The following PARD3B variants were observed in gnomAD, a reference collection of about 807,000 sequenced individuals.
The protein encoded by PARD3B is par-3 family cell polarity regulator beta.
A neutral mutation model predicts 130.2 loss-of-function variants in PARD3B; 103 were observed. The ratio of observed to expected loss-of-function variants is 0.79; its 90% CI spans 0.67 to 0.93. PARD3B has a LOEUF of 0.93. Among genes scored for constraint, PARD3B ranks in the 40% least tolerant of loss-of-function variants. The pLI, the probability that PARD3B is intolerant of heterozygous loss-of-function variation, is 0.00. For synonymous variants in PARD3B, 583 were observed against 553.2 expected (o/e 1.05, Z -0.76); for missense variants, 1,609 against 1,499.2 (o/e 1.07, Z -1.21).
chr2:205,589,480 G>A lies in PARD3B; in HGVS notation c.3261-25976G>A, dbSNP rs1235425892. On this transcript the variant is annotated intron_variant, in intron 22 of 22. Coordinates refer to ENST00000406610, the MANE Select transcript of PARD3B (RefSeq NM_001302769.2). This position sits in a 1 kb window ranked among gnomAD's most constrained non-coding sequence, Gnocchi z 4.1. The stretch of plus-strand genomic sequence containing the variant: ...CTCTAAACAGAGAGATGCAGACAGA[G>A]ATGAGGAACTAATCAAGGTGCATGT... 6.6e-6 allele frequency among the ~76,000 whole-genome samples: 1 copy of A among 152,156 alleles called. No individual in the cohort carries two copies. Among genetic ancestry groups the A allele is most frequent in the East Asian group, 1.9e-4 (1 of 5,184 alleles).
chr2:205,247,805 G>A (rs2039633992), intron 16 of PARD3B, among the ~76,000 whole-genome samples: 2 of 152,156 alleles, frequency 1.3e-5, no homozygotes, highest in Non-Finnish European at 2.9e-5. Context: ...TTAAATGAGA[G>A]CATCTTGTAA....
chr2:204,894,447 T>C (rs550752981), intron 2 of PARD3B, among the ~76,000 whole-genome samples: 303 of 152,088 alleles, frequency 2.0e-3, no homozygotes, highest in African/African-American at 6.9e-3. Context: ...ATTTTTACTT[T>C]TTTTTTTTCA....
rs549592046 is a variant in PARD3B at position 204,876,820 on chromosome 2, A to G, written c.223-88332A>G. 2.6e-5 allele frequency among the ~76,000 whole-genome samples: 4 copies of G among 152,332 alleles called. No homozygotes were observed. In the East Asian group the frequency reaches 7.7e-4, roughly 29 times the overall value. Reference sequence around the variant, plus strand: ...ACTGAAAAGCCCTTAATTAGGAGGTATAAGTTATGTAAATCAAAGCGCTCC... The same window carrying G: ...ACTGAAAAGCCCTTAATTAGGAGGTGTAAGTTATGTAAATCAAAGCGCTCC... On this transcript the variant is annotated intron_variant, in intron 2 of 22. Coordinates refer to ENST00000406610, the MANE Select transcript of PARD3B (RefSeq NM_001302769.2).
intron 10 of PARD3B, among the ~76,000 whole-genome samples, chr2:205,136,608 A>G (rs995674315): frequency 3.3e-5 from 5 of 152,166 alleles, no homozygotes; most frequent in African/African-American, 1.2e-4. Context: ...TCTCCTTCCC[A>G]GCAGCTATAT....
intron 19 of PARD3B, among the ~76,000 whole-genome samples, chr2:205,435,805 C>T (rs369380406): frequency 2.1e-3 from 318 of 152,110 alleles, no homozygotes; most frequent in Middle Eastern, 3.4e-3. Context: ...ATAATATTTA[C>T]ATTTTTTCTG....
intron 2 of PARD3B, among the ~76,000 whole-genome samples, chr2:204,851,428 A>C (rs1424534559): frequency 6.6e-6 from 1 of 152,202 alleles, no homozygotes; most frequent in Non-Finnish European, 1.5e-5. Context: ...AGTACTGTTA[A>C]ACTAATCAGC....
chr2:204,899,642 G>A (rs1442562533), intron 2 of PARD3B, among the ~76,000 whole-genome samples: 1 of 152,094 alleles, frequency 6.6e-6, no homozygotes, highest in Non-Finnish European at 1.5e-5. Context: ...TTAAGATACA[G>A]GTAGGTCACA....
At chr2:205,172,488 C>T in intron 12 of PARD3B, 107 bp downstream of exon 12, 1 of 1,178,498 alleles carries the variant, frequency 8.5e-7, no homozygotes, top group Non-Finnish European at 1.2e-6. Flanking sequence ...AAAATATGCC[C>T]CAGAAGGGCT....
chr2:205,609,214 A>G (rs144464798), intron 22 of PARD3B, among the ~76,000 whole-genome samples: 348 of 152,370 alleles, frequency 2.3e-3, no homozygotes, highest in Admixed American at 0.012. Flanking sequence ...GAAACCTGAC[A>G]CTAAAGGAAT....
In PARD3B at chr2:204,763,869, C is replaced by A. The variant is rs544487067; in HGVS notation, c.222+77587C>A. ...TGTGTATGATTGTTGATTAGACCAA[C>A]TTTTCTTCCATGCTTATAGAATAGA... On this transcript the variant is annotated intron_variant, in intron 2 of 22. Transcript: ENST00000406610. 3.0e-4 allele frequency among the ~76,000 whole-genome samples: 46 copies of A among 152,300 alleles called. 2 individuals carry two copies. The highest frequency in any genetic ancestry group is 1.1e-3 in the African/African-American group (45 of 41,562).
Position 204,683,538 on chromosome 2 carries a change from AT to A in PARD3B, c.121-2638del, listed in dbSNP as rs943773101. Among the ~76,000 whole-genome samples, 4 of 152,284 alleles carry A rather than the reference AT, an allele frequency of 2.6e-5. No homozygotes were observed. The South Asian group carries it at 6.2e-4, about 24-fold the overall frequency. On this transcript the variant is annotated intron_variant, in intron 1 of 22. Transcript: ENST00000406610. ...TGTAGGTTGCATATTTTGTATGTAC[AT>A]TTTTGAGTGATCAATAGCACCATGG...
chr2:205,245,819 T>C lies in PARD3B; in HGVS notation c.2182T>C (p.Ser728Pro). The change falls in exon 16 of 23, where the codon TCG (serine) becomes CCG (proline). Residue 728 changes from serine to proline, a missense_variant. Physicochemically the swap from Ser to Pro is moderately conservative, Grantham distance 74 (BLOSUM62 -1). Coordinates refer to ENST00000406610, the MANE Select transcript of PARD3B (RefSeq NM_001302769.2). ...SKVHSLAGQK[S>P]ESPSKDFGPT... ...GGTTCACTCATTGGCTGGACAAAAA[T>C]CGGGTAAGAAATTCCTTGTAACTGA... The C allele has an allele frequency of 6.3e-7, 1 of 1,592,274 alleles. No homozygotes were observed. The highest frequency in any genetic ancestry group is 8.6e-7 in the Non-Finnish European group (1 of 1,160,576).
intron 2 of PARD3B, among the ~76,000 whole-genome samples, chr2:204,789,893 CAG>C (rs1398435129): frequency 2.1e-5 from 3 of 141,834 alleles, no homozygotes; most frequent in Admixed American, 7.1e-5. Flanking sequence ...TTTTTTAAGA[CAG>C]AGTCTTGCTC....
intron 2 of PARD3B, among the ~76,000 whole-genome samples, chr2:204,848,423 C>G (rs942946498): frequency 1.3e-5 from 2 of 152,056 alleles, no homozygotes; most frequent in Non-Finnish European, 1.5e-5. Flanking sequence ...GAATTGCTGT[C>G]AGAATATCAG....
At position 204,814,976 on chromosome 2, in the gene PARD3B, T is replaced by TA. The variant is rs35521018; in HGVS notation, c.222+128698dup. On this transcript the variant is annotated intron_variant, in intron 2 of 22. Coordinates refer to ENST00000406610, the MANE Select transcript of PARD3B (RefSeq NM_001302769.2). ...CTATGTATTATTGGATTTGACTTGC[T>TA]AAAATTTTGTTCAGGATTTTTCATC... 5.2e-3 allele frequency among the ~76,000 whole-genome samples: 796 copies of TA among 152,032 alleles called. 8 individuals carry two copies. Among genetic ancestry groups the TA allele is most frequent in the African/African-American group, 0.018 (741 of 41,540 alleles).
chr2:204,908,223 T>C lies in PARD3B; in HGVS notation c.223-56929T>C, dbSNP rs181563451. ...AGGAAATAGTAAGATAATCCAAAAA[T>C]ATGAACACACGTTAATAATTCTTAA... On this transcript the variant is annotated intron_variant, in intron 2 of 22. Coordinates refer to ENST00000406610, the MANE Select transcript of PARD3B (RefSeq NM_001302769.2). Among the ~76,000 whole-genome samples, 42 of 152,306 alleles carry C rather than the reference T, an allele frequency of 2.8e-4. 1 individual carries two copies. In the East Asian group the frequency reaches 8.1e-3, roughly 29 times the overall value.
intron 2 of PARD3B, among the ~76,000 whole-genome samples, chr2:204,870,101 C>T (rs930159973): frequency 6.6e-6 from 1 of 152,018 alleles, no homozygotes; most frequent in African/African-American, 2.4e-5. Flanking sequence ...TGGATAACAC[C>T]CTCTTCGCCC....
chr2:204,950,725 A>G (rs1438647641), intron 2 of PARD3B, among the ~76,000 whole-genome samples: 2 of 152,214 alleles, frequency 1.3e-5, no homozygotes, highest in East Asian at 1.9e-4. Context: ...AGGTAGTACT[A>G]TATTTTCAGT....
chr2:204,600,796 C>G (rs1408432808), intron 1 of PARD3B, among the ~76,000 whole-genome samples: 1 of 151,770 alleles, frequency 6.6e-6, no homozygotes, highest in Non-Finnish European at 1.5e-5. Context: ...ATTGACTAGC[C>G]TCTCTTTCAA....
Sources: allele counts gnomAD v4.1 joint callset (sites outside exome capture counted in the v4.1 genomes callset), GRCh38; gene constraint gnomAD v4.1.1; non-coding constraint Gnocchi (gnomAD v3.1); transcripts MANE v1.5; gene names NCBI Gene and HGNC (gene_info 2026-07-23, HGNC 2026-07-21).